Variants in SLC6A8 observed in about 807,000 individuals in gnomAD.
The protein encoded by SLC6A8 is sodium- and chloride-dependent creatine transporter 1.
SLC6A8 carries 6 observed loss-of-function variants against 48.3 expected under a neutral mutation model. The observed-to-expected ratio is 0.12, with a 90% CI of 0.07 to 0.25. The LOEUF is 0.25. Ranked by LOEUF, SLC6A8 falls within the 10% of genes least tolerant of loss-of-function variation. The probability of loss-of-function intolerance (pLI) is 1.00; values close to 1 mark genes in which losing one functional copy is unlikely to be tolerated. For synonymous variants in SLC6A8, 245 were observed against 244.0 expected, an observed-to-expected ratio of 1.00 and a Z score of -0.04; for missense variants, 260 against 551.5, an observed-to-expected ratio of 0.47 and a Z score of 5.29.
rs201260657 is a variant in SLC6A8, at chrX:153,691,407, G to A, written c.498G>A (p.Thr166=). Reference sequence around the variant, plus strand: ...ACCTGGTCAAGTCCTTTACCACCACGCTGCCCTGGGCCACATGTGGCCACA... The same window carrying A: ...ACCTGGTCAAGTCCTTTACCACCACACTGCCCTGGGCCACATGTGGCCACA... The part of the protein sequence containing the change: ...FYYLVKSFTT[T]LPWATCGHTW... The change falls in exon 3 of 13, where the codon ACG becomes ACA. Residue 166 remains threonine (T), a synonymous_variant. Coordinates refer to ENST00000253122, the MANE Select transcript of SLC6A8 (RefSeq NM_005629.4). 5.5e-5 allele frequency: 67 copies of A among 1,209,950 alleles called. No homozygotes were observed. The highest frequency in any genetic ancestry group is 2.0e-4 in the Admixed American group (9 of 45,996).
chrX:153,693,442 C>T lies in SLC6A8; in HGVS notation c.1017-20C>T, dbSNP rs1557045120. On this transcript the variant is annotated intron_variant, in intron 6 of 12. Coordinates refer to ENST00000253122, the MANE Select transcript of SLC6A8 (RefSeq NM_005629.4). ...TGCCCAGCAGCCTAACCCATCCACT[C>T]TGGCCCCTCCACCCCTCAGGGACGC... 1 of 1,211,169 alleles carries T rather than the reference C, an allele frequency of 8.3e-7. No homozygotes were observed. The highest frequency in any genetic ancestry group is 1.7e-5 in the African/African-American group (1 of 57,844).
intron 2 of SLC6A8, chrX:153,690,901 C>CT (rs1173504615): frequency 1.7e-5 from 4 of 241,003 alleles, no homozygotes; most frequent in Non-Finnish European, 3.0e-5. Flanking sequence ...AACCCCCCCC[C>CT]CCCACCACCA....
rs34305716 is a variant in SLC6A8 at position 153,690,892 on chromosome X, A to ACCCC, written c.394+395_394+398dup. On this transcript the variant is annotated intron_variant, in intron 2 of 12. Transcript: ENST00000253122. ...CCAACACTACCTCAGGCGACTAGAA[A>ACCCC]CCCCCCCCCCCCACCACCACCATCA... The ACCCC allele has an allele frequency of 5.2e-4, 88 of 168,311 alleles. 1 individual carries two copies. The highest frequency in any genetic ancestry group is 2.7e-3 in the African/African-American group (51 of 18,856). The allele number at this position is 168,311 out of a possible 1,213,427, so 13.9% of individuals were successfully genotyped here.
chrX:153,690,624 C>T lies in SLC6A8; in HGVS notation c.394+118C>T, dbSNP rs782816878. ...GGGCCACGTGATGGCGTCCCAGTCT[C>T]GAGGGGGGAGCCTGGAGGAGATGTT... On this transcript the variant is annotated intron_variant, in intron 2 of 12. Coordinates refer to ENST00000253122, the MANE Select transcript of SLC6A8 (RefSeq NM_005629.4). 3.2e-5 allele frequency: 27 copies of T among 832,072 alleles called. No homozygotes were observed. In the African/African-American group the frequency reaches 5.3e-4, roughly 16 times the overall value. 68.6% of individuals were successfully genotyped at this position (832,072 alleles called of 1,213,427 possible).
intron 4 of SLC6A8, chrX:153,692,723 CCA>C: frequency 2.5e-6 from 1 of 396,143 alleles, no homozygotes; most frequent in East Asian, 6.3e-5. Context: ...CCTGCACTGC[CCA>C]CACACTCATA....
rs1309625404 is a variant in SLC6A8, at chrX:153,696,471, G to A, written c.*1257G>A. ...GAGTGACCCCAAGAAAGGCTTCCCC[G>A]ACACCCAGACAGAGGCTGCAGGGCT... On this transcript the variant is annotated 3_prime_UTR_variant, in exon 13 of 13. Transcript: ENST00000253122. The A allele has an allele frequency of 4.8e-5, 16 of 330,452 alleles. No individual in the cohort carries two copies. Among genetic ancestry groups the A allele is most frequent in the Non-Finnish European group, 8.8e-5 (15 of 169,813 alleles). 27.2% of individuals were successfully genotyped at this position (330,452 alleles called of 1,213,427 possible). A position where few individuals can be genotyped will look rare whatever the true frequency, so the allele number is the denominator to read the frequency against.
In SLC6A8 at chrX:153,688,188, C is replaced by A. The variant is rs1224191389; in HGVS notation, c.-387C>A. 1.0e-5 allele frequency: 1 copy of A among 97,613 alleles called. No individual in the cohort carries two copies. The highest frequency in any genetic ancestry group is 1.0e-4 in the Admixed American group (1 of 9,557). 8.0% of individuals were successfully genotyped at this position (97,613 alleles called of 1,213,427 possible). ...GCAGACCGCGGGCGCCGATGTCGCC[C>A]GCGCCCCGCTAGGCTGAGCCTCGGG... On this transcript the variant is annotated 5_prime_UTR_variant, in exon 1 of 13. Transcript: ENST00000253122.
At chrX:153,694,673 C>A in intron 11 of SLC6A8, 40 bp downstream of exon 11, 1 of 1,189,752 alleles carries the variant, frequency 8.4e-7, no homozygotes, top group Non-Finnish European at 1.1e-6. Flanking sequence ...GGGGGCGAGG[C>A]AGGGCGGGGT....
Position 153,694,579 on chromosome X carries a change from A to C in SLC6A8, c.1542A>C (p.Arg514=). 1 of 1,191,742 alleles carries C rather than the reference A, an allele frequency of 8.4e-7. No homozygotes were observed. Among genetic ancestry groups the C allele is most frequent in the Non-Finnish European group, 1.1e-6 (1 of 886,635 alleles). ...ACATTGCCTGTATGATCGGGTACCG[A>C]CCTTGCCCCTGGATGAAATGGTGCT... ...MDDIACMIGY[R]PCPWMKWCWS... is the part of the protein sequence containing the mutation. Residue 514 remains arginine, a synonymous_variant, in exon 11 of 13, where the codon CGA becomes CGC. Coordinates refer to ENST00000253122, the MANE Select transcript of SLC6A8 (RefSeq NM_005629.4).
Position 153,695,844 on chromosome X carries a change from GTATA to G in SLC6A8, c.*635_*638del, listed in dbSNP as rs782110853. 7.5e-6 allele frequency: 1 copy of G among 133,466 alleles called. No individual in the cohort carries two copies. Among genetic ancestry groups the G allele is most frequent in the East Asian group, 2.2e-4 (1 of 4,636 alleles). The allele number at this position is 133,466 out of a possible 1,213,427, so 11.0% of individuals were successfully genotyped here. A position where few individuals can be genotyped will look rare whatever the true frequency, so the allele number is the denominator to read the frequency against. On this transcript the variant is annotated 3_prime_UTR_variant, in exon 13 of 13. Coordinates refer to ENST00000253122, the MANE Select transcript of SLC6A8 (RefSeq NM_005629.4). ...GTGCACGCGTGCGTGAGTACGGAGA[GTATA>G]TATAGATCTCTATCTCTTAGCAAAG...
Position 153,694,820 on chromosome X carries a change from G to A in SLC6A8, c.1698G>A (p.Leu566=). The change falls in exon 12 of 13, where the codon CTG becomes CTA. Residue 566 remains leucine (L), a synonymous_variant. Transcript: ENST00000253122. The stretch of plus-strand genomic sequence containing the variant: ...AGGCCATGGGCTGGGCCTTCGCCCT[G>A]TCCTCCATGCTGTGCGTGCCGCTGC... The part of the protein sequence containing the change: ...WGEAMGWAFA[L]SSMLCVPLHL... 1.7e-6 allele frequency: 2 copies of A among 1,210,108 alleles called. No individual in the cohort carries two copies. The highest frequency in any genetic ancestry group is 2.2e-6 in the Non-Finnish European group (2 of 894,859).
At chrX:153,692,187 G>A (rs782142947) in intron 4 of SLC6A8, 80 bp downstream of exon 4, 67 of 1,005,281 alleles carry the variant, frequency 6.7e-5, no homozygotes, top group South Asian at 5.5e-4. Context: ...CTGTGGCAAC[G>A]GGAGGTGACC....
Position 153,693,598 on chromosome X carries a change from C to G in SLC6A8, c.1141+12C>G. On this transcript the variant is annotated intron_variant, in intron 7 of 12. Coordinates refer to ENST00000253122, the MANE Select transcript of SLC6A8 (RefSeq NM_005629.4). ...GGTGGCAGAGTCAGGTAGGGCCCTA[C>G]CCCCAGCCCCGCCTCCAGAGCAGCG... 1 of 1,207,220 alleles carries G rather than the reference C, an allele frequency of 8.3e-7. No homozygotes were observed. Among genetic ancestry groups the G allele is most frequent in the Non-Finnish European group, 1.1e-6 (1 of 891,935 alleles).
At chrX:153,696,593 G>A (rs1427593482), downstream of SLC6A8, 1 of 291,695 alleles carries the variant, frequency 3.4e-6, no homozygotes, top group East Asian at 1.0e-4. Flanking sequence ...TCCAAAGCAG[G>A]CTCCTGCTTC....
intron 2 of SLC6A8, 87 bp from the exon 3 acceptor site, chrX:153,691,217 C>A: frequency 1.9e-6 from 2 of 1,048,921 alleles, no homozygotes; most frequent in Non-Finnish European, 2.6e-6. Flanking sequence ...ATGGTGGGAG[C>A]ACGGCCAGCC....
At chrX:153,692,662 G>A (rs1557044767) in intron 4 of SLC6A8, 6 of 350,281 alleles carry the variant, frequency 1.7e-5, no homozygotes, top group Non-Finnish European at 3.3e-5. Flanking sequence ...CAGAAGAGGA[G>A]GGGGACCCGA....
Position 153,695,160 on chromosome X carries a change from C to A in SLC6A8, c.1854C>A (p.Thr618=). The change falls in exon 13 of 13, where the codon ACC becomes ACA. Residue 618 remains threonine, a synonymous_variant. Coordinates refer to ENST00000253122, the MANE Select transcript of SLC6A8 (RefSeq NM_005629.4). Reference sequence around the variant, plus strand: ...ACGCAGATGTCAGGGGCCTGACCACCCTGACCCCAGTGTCCGAGAGCAGCA... The same window carrying A: ...ACGCAGATGTCAGGGGCCTGACCACACTGACCCCAGTGTCCGAGAGCAGCA... ...AQDADVRGLT[T]LTPVSESSKV... 8.4e-7 allele frequency: 1 copy of A among 1,196,393 alleles called. No individual in the cohort carries two copies. The highest frequency in any genetic ancestry group is 1.1e-6 in the Non-Finnish European group (1 of 887,185).
chrX:153,691,245 G>T, intron 2 of SLC6A8, 59 bp from the exon 3 acceptor site: 3 of 1,148,300 alleles, frequency 2.6e-6, no homozygotes, highest in Non-Finnish European at 3.5e-6. Context: ...GGACATAAAG[G>T]GGTGGCAGGG....
chrX:153,689,619 A>G, intron 1 of SLC6A8: 2 of 684,327 alleles, frequency 2.9e-6, no homozygotes, highest in South Asian at 7.5e-5. Flanking sequence ...AGCCAAGCTC[A>G]GCCTCTGAGT....
Sources: gnomAD v4.1 joint callset for allele counts on GRCh38, gnomAD v4.1.1 for gene constraint, MANE v1.5 for transcripts, NCBI Gene and HGNC (gene_info 2026-07-23, HGNC 2026-07-21) for gene names.